The following TRPV5 variants were observed in gnomAD, a reference collection of about 807,000 sequenced individuals.
TRPV5 encodes transient receptor potential cation channel subfamily V member 5.
A neutral mutation model predicts 74.1 loss-of-function variants in TRPV5; 66 were observed. That is an observed-to-expected ratio of 0.89 (90% CI 0.73 to 1.09). TRPV5 has a LOEUF of 1.09. TRPV5 is among the 50% of genes least tolerant of loss of function. TRPV5 has a pLI of 0.00. For synonymous variants in TRPV5, 399 were observed against 360.7 expected (o/e 1.11, Z -1.20); for missense variants, 936 against 930.4 (o/e 1.01, Z -0.08).
chr7:142,929,196 G>C, intron 4 of TRPV5, 76 bp from the exon 5 acceptor site: 2 of 1,554,202 alleles, frequency 1.3e-6, no homozygotes, highest in Non-Finnish European at 1.7e-6. Flanking sequence ...CCAAATAAGG[G>C]CCTCCTCCTC....
rs1795945035 is a variant in TRPV5 at position 142,924,362 on chromosome 7, ATG to A, written c.1122+1165_1122+1166del. Reference sequence around the variant, plus strand: ...CATATATATATATATAGACATATACATGTATATATATACATATATATATATAT... The same window carrying A: ...CATATATATATATATAGACATATACATATATATATACATATATATATATAT... On this transcript the variant is annotated intron_variant, in intron 8 of 14. Transcript: ENST00000265310. 5.0e-4 allele frequency among the ~76,000 whole-genome samples: 9 copies of A among 18,124 alleles called. 1 individual carries two copies. The highest frequency in any genetic ancestry group is 3.4e-3 in the Admixed American group (3 of 884). The allele number at this position is 18,124 out of a possible 152,430, so 11.9% of individuals were successfully genotyped here.
In TRPV5 at chr7:142,933,588, T is replaced by C; in HGVS notation, c.-129A>G. On this transcript the variant is annotated 5_prime_UTR_variant, in exon 1 of 15. Transcript: ENST00000265310. ...CTCTGAGTTTATCTCCTGTATGACT[T>C]GTGTATGCAGCATGCAGCTTGTAGG... The C allele has an allele frequency of 7.8e-7, 1 of 1,285,070 alleles. No individual in the cohort carries two copies. The highest frequency in any genetic ancestry group is 1.1e-6 in the Non-Finnish European group (1 of 926,012). 79.6% of individuals were successfully genotyped at this position (1,285,070 alleles called of 1,614,324 possible).
At chr7:142,911,626 C>A (rs556324074) in intron 13 of TRPV5, among the ~76,000 whole-genome samples, 5 of 152,226 alleles carry the variant, frequency 3.3e-5, no homozygotes, top group Non-Finnish European at 7.3e-5. Context: ...TCATTCACTT[C>A]ATGCCCGTCT....
rs1439440811 is a variant in TRPV5 at position 142,908,207 on chromosome 7, G to A, written c.*307C>T. On this transcript the variant is annotated 3_prime_UTR_variant, in exon 15 of 15. Transcript: ENST00000265310. Reference sequence around the variant, plus strand: ...TTACTACTTTCTAGGGGCTGCGTGGGGCAGAAGAGAAATGGTCCTGACATT... The same window carrying A: ...TTACTACTTTCTAGGGGCTGCGTGGAGCAGAAGAGAAATGGTCCTGACATT... 1.0e-4 allele frequency: 45 copies of A among 445,944 alleles called. No homozygotes were observed. The highest frequency in any genetic ancestry group is 2.0e-5 in the Non-Finnish European group (5 of 247,936). The allele number at this position is 445,944 out of a possible 1,614,324, so 27.6% of individuals were successfully genotyped here. A position where few individuals can be genotyped will look rare whatever the true frequency, so the allele number is the denominator to read the frequency against.
intron 8 of TRPV5, among the ~76,000 whole-genome samples, chr7:142,920,944 A>G (rs147482553): frequency 2.7e-3 from 406 of 152,246 alleles, no homozygotes; most frequent in African/African-American, 9.3e-3. Context: ...TGCTCAGTGG[A>G]TGTTATTTTT....
At chr7:142,925,155 A>G (rs574066173) in intron 8 of TRPV5, 12 of 441,854 alleles carry the variant, frequency 2.7e-5, no homozygotes, top group East Asian at 2.3e-4. Context: ...TACAACAAAA[A>G]TGGACTCAGA....
chr7:142,928,706 C>T lies in TRPV5; in HGVS notation c.747G>A (p.Val249=), dbSNP rs1796030064. The change falls in exon 6 of 15, where the codon GTG becomes GTA. Residue 249 remains valine, a synonymous_variant. Transcript: ENST00000265310. ...QGLTPFKLAG[V]EGNTVMFQHL... ...CGTCTCTTACCACAGTGTTACCCTC[C>T]ACTCCAGCCAGCTTGAAGGGGGTGA... 6.2e-7 allele frequency: 1 copy of T among 1,613,796 alleles called. No individual in the cohort carries two copies.
chr7:142,920,558 C>T (rs1035549416), intron 8 of TRPV5, among the ~76,000 whole-genome samples: 5 of 152,138 alleles, frequency 3.3e-5, no homozygotes, highest in African/African-American at 4.8e-5. Context: ...TGGGACCTAG[C>T]ACATCACTCT....
chr7:142,922,941 G>A lies in TRPV5; in HGVS notation c.1122+2588C>T, dbSNP rs180893303. Among the ~76,000 whole-genome samples, 13 of 152,278 alleles carry A rather than the reference G, an allele frequency of 8.5e-5. No homozygotes were observed. In the East Asian group the frequency reaches 2.5e-3, roughly 29 times the overall value. Reference sequence around the variant, plus strand: ...ATTGGATAGAAATAAACTAACTCCAGCTTTACAAACATCAGCTTTTGTGTA... The same window carrying A: ...ATTGGATAGAAATAAACTAACTCCAACTTTACAAACATCAGCTTTTGTGTA... On this transcript the variant is annotated intron_variant, in intron 8 of 14. Coordinates refer to ENST00000265310, the MANE Select transcript of TRPV5 (RefSeq NM_019841.7).
At chr7:142,916,065 T>C (rs1795790046) in intron 8 of TRPV5, among the ~76,000 whole-genome samples, 2 of 152,218 alleles carry the variant, frequency 1.3e-5, no homozygotes, top group Non-Finnish European at 2.9e-5. Flanking sequence ...GAACCATTCA[T>C]GGAAAATCTC....
At chr7:142,918,868 AC>A (rs933816979) in intron 8 of TRPV5, among the ~76,000 whole-genome samples, 2 of 152,200 alleles carry the variant, frequency 1.3e-5, no homozygotes, top group African/African-American at 4.8e-5. Flanking sequence ...AGGAAAGCTC[AC>A]TGTGAGATAA....
At position 142,928,711 on chromosome 7, in the gene TRPV5, C is replaced by A; in HGVS notation, c.742G>T (p.Gly248Ter). The A allele has an allele frequency of 6.2e-7, 1 of 1,613,984 alleles. No homozygotes were observed. Among genetic ancestry groups the A allele is most frequent in the Non-Finnish European group, 8.5e-7 (1 of 1,179,922 alleles). ...HQGLTPFKLA[G>*]VEGNTVMFQH... is the part of the protein sequence containing the mutation. ...CTTACCACAGTGTTACCCTCCACTCCAGCCAGCTTGAAGGGGGTGAGACCC... is the reference window on the plus strand; with the variant it reads ...CTTACCACAGTGTTACCCTCCACTCAAGCCAGCTTGAAGGGGGTGAGACCC... Residue 248 changes from glycine (G) to a stop codon, truncating the protein, a stop_gained, in exon 6 of 15, where the codon GGA (glycine) becomes TGA (stop). Coordinates refer to ENST00000265310, the MANE Select transcript of TRPV5 (RefSeq NM_019841.7). LOFTEE classifies it high-confidence loss of function.
chr7:142,912,562 T>C lies in TRPV5; in HGVS notation c.1708A>G (p.Met570Val), dbSNP rs1190550079. The C allele has an allele frequency of 4.3e-6, 7 of 1,614,032 alleles. No homozygotes were observed. Among genetic ancestry groups the C allele is most frequent in the East Asian group, 2.2e-5 (1 of 44,900 alleles). ...ATCATGGCGATGAACAAGTTGAGCA[T>C]GAGCAGTGTGGCAATGATGGTGAAG... ...FAFTIIATLL[M>V]LNLFIAMMGD... The change falls in exon 13 of 15, where the codon ATG (methionine) becomes GTG (valine). Residue 570 changes from methionine (M) to valine (V), a missense_variant. Met to Val is a conservative substitution (Grantham distance 21). Transcript: ENST00000265310.
At chr7:142,915,591 AG>A (rs763191504) in intron 8 of TRPV5, 23 bp from the exon 9 acceptor site, 46 of 1,609,528 alleles carry the variant, frequency 2.9e-5, no homozygotes, top group Non-Finnish European at 3.5e-5. Context: ...ATTCAGAAGA[AG>A]TGCTTTCTGA....
rs566595530 is a variant in TRPV5 at position 142,915,482 on chromosome 7, C to T, written c.1209G>A (p.Glu403=). The T allele has an allele frequency of 6.2e-7, 1 of 1,614,078 alleles. No homozygotes were observed. Among genetic ancestry groups the T allele is most frequent in the Non-Finnish European group, 8.5e-7 (1 of 1,179,958 alleles). Residue 403 remains glutamate, a splice_region_variant and synonymous_variant, in exon 9 of 15, where the codon GAG becomes GAA. Coordinates refer to ENST00000265310, the MANE Select transcript of TRPV5 (RefSeq NM_019841.7). The part of the protein sequence containing the change: ...IVGAVIILLL[E]IPDIFRVGAS... ...AGCCTGGACCCCGCCTGCCCCTCAC[C>T]TCTAGGAGCAGGATGATCACAGCCC...
chr7:142,911,545 G>A (rs1165513426), intron 13 of TRPV5, among the ~76,000 whole-genome samples: 1 of 152,124 alleles, frequency 6.6e-6, no homozygotes, highest in African/African-American at 2.4e-5. Context: ...TTCCTCTGTT[G>A]TATCCTCCTC....
chr7:142,913,249 G>A (rs1795733083), intron 12 of TRPV5, among the ~76,000 whole-genome samples: 1 of 152,120 alleles, frequency 6.6e-6, no homozygotes, highest in Non-Finnish European at 1.5e-5. Context: ...TTCCCTGAGT[G>A]AACCTGAACC....
intron 1 of TRPV5, among the ~76,000 whole-genome samples, chr7:142,932,109 C>G (rs1429374444): frequency 6.6e-6 from 1 of 152,178 alleles, no homozygotes; most frequent in Non-Finnish European, 1.5e-5. Context: ...CAGTTCCCTG[C>G]CCCGTCTCAC....
rs778537941 is a variant in TRPV5, at chr7:142,908,523, G to T, written c.2181C>A (p.Tyr727Ter). 2.5e-6 allele frequency: 4 copies of T among 1,613,966 alleles called. No homozygotes were observed. The highest frequency in any genetic ancestry group is 1.3e-5 in the African/African-American group (1 of 74,928). ...NLSEGDGEEV[Y>*]HF ...GTGATAGCGATGTTAATCAAAAATGGTAGACCTCCTCTCCATCCCCCTCAC... is the reference window on the plus strand; with the variant it reads ...GTGATAGCGATGTTAATCAAAAATGTTAGACCTCCTCTCCATCCCCCTCAC... Residue 727 changes from tyrosine to a stop codon, truncating the protein, a stop_gained, in exon 15 of 15, where the codon TAC becomes TAA. Coordinates refer to ENST00000265310, the MANE Select transcript of TRPV5 (RefSeq NM_019841.7). LOFTEE classifies it high-confidence loss of function.
Sources: gnomAD v4.1 joint callset for allele counts (sites outside exome capture counted in the v4.1 genomes callset) on GRCh38, gnomAD v4.1.1 for gene constraint, MANE v1.5 for transcripts, NCBI Gene and HGNC (gene_info 2026-07-23, HGNC 2026-07-21) for gene names.